Variants in UBAC2 observed in about 807,000 individuals in gnomAD.
UBAC2 encodes UBA domain containing 2.
Under a neutral mutation model 44.0 loss-of-function variants are expected in UBAC2, and 26 were observed. The observed-to-expected ratio is 0.59, with a 90% CI of 0.43 to 0.82. The LOEUF (loss-of-function observed/expected upper bound fraction) is 0.82, where lower values mean the gene tolerates loss of function less well. Among genes scored for constraint, UBAC2 ranks in the 40% least tolerant of loss-of-function variants. The pLI is 0.00. For missense variants in UBAC2, 329 were observed against 419.4 expected (o/e 0.78, Z 1.88); for synonymous variants, 155 against 154.3 (o/e 1.00, Z -0.04).
At chr13:99,242,184 A>G (rs1594037063) in intron 2 of UBAC2, among the ~76,000 whole-genome samples, 1 of 151,916 alleles carries the variant, frequency 6.6e-6, no homozygotes, top group African/African-American at 2.4e-5. Context: ...TCTTTTCCCC[A>G]CCTTTCCCCC....
chr13:99,361,177 ACTT>A (rs2045260327), intron 7 of UBAC2, among the ~76,000 whole-genome samples: 1 of 152,178 alleles, frequency 6.6e-6, no homozygotes, highest in South Asian at 2.1e-4. Context: ...AAGAATTTTT[ACTT>A]CATTTGAAAT....
intron 4 of UBAC2, among the ~76,000 whole-genome samples, chr13:99,281,175 C>T (rs780067698): frequency 1.3e-5 from 2 of 150,714 alleles, no homozygotes; most frequent in African/African-American, 4.9e-5. Context: ...GGTGACAGAG[C>T]GAGACTCCAT....
At position 99,238,453 on chromosome 13, in the gene UBAC2, C is replaced by T. The variant is rs1431142842; in HGVS notation, c.58C>T (p.Leu20=). The change falls in exon 2 of 9, where the codon CTG becomes TTG. Residue 20 remains leucine, a synonymous_variant. Coordinates refer to ENST00000403766, the MANE Select transcript of UBAC2 (RefSeq NM_001144072.2). ...CAAGGCGCCTCTGTCGAAGAGCCTT[C>T]TGCTGGTCCCCAGTGCCCTCTCCCT... ...LYKAPLSKSL[L]LVPSALSLLL... The T allele has an allele frequency of 6.2e-7, 1 of 1,613,938 alleles. No individual in the cohort carries two copies. Among genetic ancestry groups the T allele is most frequent in the Admixed American group, 1.7e-5 (1 of 60,030 alleles).
intron 4 of UBAC2, among the ~76,000 whole-genome samples, chr13:99,290,946 A>T (rs764643123): frequency 3.9e-5 from 6 of 151,966 alleles, no homozygotes; most frequent in Non-Finnish European, 8.8e-5. Context: ...TGATGGGGAG[A>T]TGTCCAAGGC....
intron 8 of UBAC2, chr13:99,372,134 G>T (rs766419702): frequency 6.6e-6 from 1 of 152,278 alleles, no homozygotes; most frequent in South Asian, 2.1e-4. Flanking sequence ...CACACAGTGC[G>T]CCCTGTGCTG....
intron 4 of UBAC2, among the ~76,000 whole-genome samples, chr13:99,279,276 G>A (rs2043922934): frequency 6.6e-6 from 1 of 152,058 alleles, no homozygotes; most frequent in Non-Finnish European, 1.5e-5. Context: ...GAATGTGATT[G>A]CACAGAGCAA....
chr13:99,272,943 A>G (rs2043834876), intron 4 of UBAC2, among the ~76,000 whole-genome samples: 1 of 149,098 alleles, frequency 6.7e-6, no homozygotes, highest in South Asian at 2.1e-4. Flanking sequence ...TTCATGCTCT[A>G]GTATTTTTAG....
chr13:99,304,143 G>T (rs2044296410), intron 4 of UBAC2, among the ~76,000 whole-genome samples: 1 of 152,172 alleles, frequency 6.6e-6, no homozygotes, highest in Non-Finnish European at 1.5e-5. Context: ...TTCTTCAGGA[G>T]GGTTGCTGGT....
At chr13:99,254,838 G>T in intron 4 of UBAC2, 1 of 1,527,924 alleles carries the variant, frequency 6.5e-7, no homozygotes, top group Non-Finnish European at 8.9e-7. Context: ...AGTTAGTGAA[G>T]TGAATTTTGA....
At chr13:99,348,917 A>T (rs558702461) in intron 7 of UBAC2, among the ~76,000 whole-genome samples, 1 of 152,314 alleles carries the variant, frequency 6.6e-6, no homozygotes, top group Non-Finnish European at 1.5e-5. Context: ...GGAGGCTGAG[A>T]TGGAACGATC....
rs1399021903 is a variant in UBAC2, at chr13:99,295,280, G to T, written c.390-18817G>T. ...CATCAGGCATACTGTAAAGTGCAGA[G>T]AAATCTGGAACGAATGTCTTTGGCT... On this transcript the variant is annotated intron_variant, in intron 4 of 8. Coordinates refer to ENST00000403766, the MANE Select transcript of UBAC2 (RefSeq NM_001144072.2). The surrounding 1 kb of genome is among the most constrained non-coding windows in gnomAD (Gnocchi z 4.1). 6.2e-7 allele frequency: 1 copy of T among 1,614,188 alleles called. No homozygotes were observed. Among genetic ancestry groups the T allele is most frequent in the Non-Finnish European group, 8.5e-7 (1 of 1,180,022 alleles).
chr13:99,385,285 G>A lies in UBAC2; in HGVS notation c.985G>A (p.Ala329Thr), dbSNP rs1669195687. 6.2e-7 allele frequency: 1 copy of A among 1,614,050 alleles called. No homozygotes were observed. Among genetic ancestry groups the A allele is most frequent in the African/African-American group, 1.3e-5 (1 of 74,932 alleles). ...SRGDALEALR[A>T]SNNDLNVATN... ...AGGTGATGCTTTGGAAGCCCTGAGA[G>A]CTTCAAACAATGACCTCAATGTCGC... The change falls in exon 9 of 9, where the codon GCT (alanine) becomes ACT (threonine). Residue 329 changes from alanine (A) to threonine (T), a missense_variant. Physicochemically the swap from Ala to Thr is moderately conservative, Grantham distance 58 (BLOSUM62 0). Transcript: ENST00000403766.
In UBAC2 at chr13:99,385,811, G is replaced by A. The variant is rs1594000317; in HGVS notation, c.*476G>A. On this transcript the variant is annotated 3_prime_UTR_variant, in exon 9 of 9. Transcript: ENST00000403766. ...CTCAAACTTGTTTTCGAATCTCCTG[G>A]GAGTGAGGGAGAAACAGGGAGCTGA... 6.1e-6 allele frequency: 1 copy of A among 162,806 alleles called. No homozygotes were observed. The highest frequency in any genetic ancestry group is 1.7e-4 in the East Asian group (1 of 6,022). 10.1% of individuals were successfully genotyped at this position (162,806 alleles called of 1,614,324 possible).
At chr13:99,202,347 A>T (rs1417672866) in intron 1 of UBAC2, among the ~76,000 whole-genome samples, 9 of 152,212 alleles carry the variant, frequency 5.9e-5, no homozygotes. Context: ...CTTTAGATAA[A>T]GAGCATTAGG....
chr13:99,292,621 G>C (rs1284608159), intron 4 of UBAC2, among the ~76,000 whole-genome samples: 1 of 151,832 alleles, frequency 6.6e-6, no homozygotes, highest in African/African-American at 2.4e-5. Flanking sequence ...TATACATGAT[G>C]CCATTTCTAA....
chr13:99,351,402 AT>A (rs1191514097), intron 7 of UBAC2: 1 of 378,738 alleles, frequency 2.6e-6, no homozygotes, highest in Non-Finnish European at 5.2e-6. Flanking sequence ...TTAAATGGTT[AT>A]ATAGGTAACT....
rs538961798 is a variant in UBAC2 at position 99,265,551 on chromosome 13, T to G, written c.389+20927T>G. 1.8e-4 allele frequency among the ~76,000 whole-genome samples: 28 copies of G among 152,274 alleles called. 1 individual carries two copies. The highest frequency in any genetic ancestry group is 1.0e-3 in the South Asian group (5 of 4,828). On this transcript the variant is annotated intron_variant, in intron 4 of 8. Transcript: ENST00000403766. ...GTGACACATCTCTCTTTGACAGTCA[T>G]GTGGGTACTGATCCCTGATTGCACT...
intron 8 of UBAC2, among the ~76,000 whole-genome samples, chr13:99,370,683 T>G (rs1350915217): frequency 6.6e-6 from 1 of 152,170 alleles, no homozygotes; most frequent in Non-Finnish European, 1.5e-5. Context: ...TAGCCACCCA[T>G]GGGTAAGGCT....
chr13:99,204,447 G>A (rs529429207), intron 1 of UBAC2, among the ~76,000 whole-genome samples: 82 of 152,264 alleles, frequency 5.4e-4, no homozygotes, highest in African/African-American at 1.9e-3. Context: ...TGAGCAGTTC[G>A]TAAGAGATGT....
Sources: gnomAD v4.1 joint callset for allele counts (sites outside exome capture counted in the v4.1 genomes callset) on GRCh38, gnomAD v4.1.1 for gene constraint, Gnocchi (gnomAD v3.1) non-coding constraint, MANE v1.5 for transcripts, NCBI Gene and HGNC (gene_info 2026-07-23, HGNC 2026-07-21) for gene names.